GRID2IP: variants seen among roughly 807,000 people sequenced by gnomAD.
The protein encoded by GRID2IP is delphilin.
A neutral mutation model predicts 114.3 loss-of-function variants in GRID2IP; 78 were observed. That is an observed-to-expected ratio of 0.68 (90% CI 0.57 to 0.82). The LOEUF (loss-of-function observed/expected upper bound fraction) is 0.82, where lower values mean the gene tolerates loss of function less well. Among genes scored for constraint, GRID2IP ranks in the 40% least tolerant of loss-of-function variants. The pLI is 0.00. For synonymous variants in GRID2IP, 809 were observed against 724.0 expected, an observed-to-expected ratio of 1.12 and a Z score of -1.89; for missense variants, 1,727 against 1,678.5, an observed-to-expected ratio of 1.03 and a Z score of -0.51.
At chr7:6,524,469 C>T (rs973703775) in intron 4 of GRID2IP, among the ~76,000 whole-genome samples, 1 of 152,164 alleles carries the variant, frequency 6.6e-6, no homozygotes, top group African/African-American at 2.4e-5. Context: ...CTACAAACAC[C>T]TTCCACAATG....
chr7:6,546,817 C>G (rs2115102644), intron 1 of GRID2IP, among the ~76,000 whole-genome samples: 1 of 152,250 alleles, frequency 6.6e-6, no homozygotes, highest in African/African-American at 2.4e-5. Flanking sequence ...CTCTTGCATC[C>G]TGCCCTGTTT....
chr7:6,501,638 C>T, intron 20 of GRID2IP, 143 bp downstream of exon 20: 1 of 677,438 alleles, frequency 1.5e-6, no homozygotes, highest in Non-Finnish European at 2.6e-6. Context: ...AGAGCCTCTT[C>T]CAGGACCCCT....
At position 6,539,880 on chromosome 7, in the gene GRID2IP, G is replaced by A. The variant is rs1383894864; in HGVS notation, c.430-8C>T. 6 of 1,549,600 alleles carry A rather than the reference G, an allele frequency of 3.9e-6. No homozygotes were observed. The highest frequency in any genetic ancestry group is 1.7e-4 in the Middle Eastern group (1 of 5,928). Reference sequence around the variant, plus strand: ...CCCCAAGATTTCATCCACCTGCAAGGAGGAGTCCTGTGAATGACCAAAAGG... The same window carrying A: ...CCCCAAGATTTCATCCACCTGCAAGAAGGAGTCCTGTGAATGACCAAAAGG... On this transcript the variant is annotated splice_polypyrimidine_tract_variant and splice_region_variant and intron_variant, in intron 1 of 21. Transcript: ENST00000457091.
intron 7 of GRID2IP, among the ~76,000 whole-genome samples, chr7:6,515,408 C>G (rs949644503): frequency 1.3e-5 from 2 of 151,928 alleles, no homozygotes; most frequent in Non-Finnish European, 2.9e-5. Flanking sequence ...TTGTAGTGAG[C>G]TGAGATTGCG....
At chr7:6,547,249 G>A (rs73344977) in intron 1 of GRID2IP, among the ~76,000 whole-genome samples, 6,501 of 152,212 alleles carry the variant, frequency 0.043, 422 homozygotes, top group African/African-American at 0.14. Flanking sequence ...GCACTAAGTT[G>A]TTGATTTTGG....
intron 1 of GRID2IP, among the ~76,000 whole-genome samples, chr7:6,543,554 C>G (rs1440792526): frequency 6.6e-6 from 1 of 152,042 alleles, no homozygotes; most frequent in Admixed American, 6.6e-5. Flanking sequence ...GCCACCCTGT[C>G]AAAGTGGGTT....
intron 1 of GRID2IP, 105 bp downstream of exon 1, chr7:6,550,903 G>T: frequency 8.5e-7 from 1 of 1,170,828 alleles, no homozygotes; most frequent in Non-Finnish European, 1.1e-6. Flanking sequence ...TCTGACCCCA[G>T]AAGTTTCCTT....
At chr7:6,517,091 G>A (rs1357356252) in intron 7 of GRID2IP, among the ~76,000 whole-genome samples, 1 of 148,800 alleles carries the variant, frequency 6.7e-6, no homozygotes, top group African/African-American at 2.5e-5. Context: ...GTCTGGCTCT[G>A]TCACCCAGGC....
At chr7:6,503,259 G>T in intron 16 of GRID2IP, 96 bp from the exon 17 acceptor site, 1 of 1,179,922 alleles carries the variant, frequency 8.5e-7, no homozygotes, top group Non-Finnish European at 1.2e-6. Context: ...TCTGCTGGCT[G>T]CTTCGGCCCG....
Position 6,528,732 on chromosome 7 carries a change from G to A in GRID2IP, c.585-1963C>T, listed in dbSNP as rs1014017399. The stretch of plus-strand genomic sequence containing the variant: ...AAAAGAAATTGCCTGGTGGGAGGAA[G>A]TGGGTGTGGATTCTCAGGGAGGAGG... On this transcript the variant is annotated intron_variant, in intron 2 of 21. Coordinates refer to ENST00000457091, the MANE Select transcript of GRID2IP (RefSeq NM_001145118.2). The surrounding 1 kb of genome is among the most constrained non-coding windows in gnomAD (Gnocchi z 6.0). Among the ~76,000 whole-genome samples the A allele has an allele frequency of 2.6e-5, 4 of 152,100 alleles. No individual in the cohort carries two copies. The highest frequency in any genetic ancestry group is 9.7e-5 in the African/African-American group (4 of 41,428).
Position 6,536,868 on chromosome 7 carries a change from G to C in GRID2IP, c.584+2850C>G, listed in dbSNP as rs1779733420. On this transcript the variant is annotated intron_variant, in intron 2 of 21. Coordinates refer to ENST00000457091, the MANE Select transcript of GRID2IP (RefSeq NM_001145118.2). The surrounding 1 kb of genome is among the most constrained non-coding windows in gnomAD (Gnocchi z 5.3). ...ATGGTGGCCTCTTTCGGTGGTGGTC[G>C]CCTATGCTCCGCTGCAGAGCCGAGA... 1 of 582,852 alleles carries C rather than the reference G, an allele frequency of 1.7e-6. No individual in the cohort carries two copies. The highest frequency in any genetic ancestry group is 3.7e-5 in the East Asian group (1 of 26,962). The allele number at this position is 582,852 out of a possible 1,614,324, so 36.1% of individuals were successfully genotyped here. A position where few individuals can be genotyped will look rare whatever the true frequency, so the allele number is the denominator to read the frequency against.
In GRID2IP at chr7:6,509,275, G is replaced by A. The variant is rs1297802446; in HGVS notation, c.1810C>T (p.Arg604Ter). The A allele has an allele frequency of 4.6e-6, 7 of 1,527,116 alleles. No individual in the cohort carries two copies. Among genetic ancestry groups the A allele is most frequent in the Non-Finnish European group, 6.2e-6 (7 of 1,134,988 alleles). The allele number at this position is 1,527,116 out of a possible 1,614,324, so 94.6% of individuals were successfully genotyped here. A position where few individuals can be genotyped will look rare whatever the true frequency, so the allele number is the denominator to read the frequency against. The change falls in exon 12 of 22, where the codon CGA becomes TGA. Residue 604 changes from arginine (R) to a stop codon, truncating the protein, a stop_gained. Coordinates refer to ENST00000457091, the MANE Select transcript of GRID2IP (RefSeq NM_001145118.2). LOFTEE classifies it high-confidence loss of function. This position sits in a 1 kb window ranked among gnomAD's most constrained non-coding sequence, Gnocchi z 4.9. ...TGGTAGCAGGGGGAGGGCAAGAGTCGCTCGCTGGGCCATGAGACGCCGGAC... is the reference window on the plus strand; with the variant it reads ...TGGTAGCAGGGGGAGGGCAAGAGTCACTCGCTGGGCCATGAGACGCCGGAC... ...TLSGVSWPSE[R>*]LLPSPCYHPL...
In GRID2IP at chr7:6,509,110, T is replaced by C; in HGVS notation, c.1975A>G (p.Thr659Ala). 1 of 303,684 alleles carries C rather than the reference T, an allele frequency of 3.3e-6. No homozygotes were observed. The highest frequency in any genetic ancestry group is 6.4e-6 in the Non-Finnish European group (1 of 157,192). The allele number at this position is 303,684 out of a possible 1,614,324, so 18.8% of individuals were successfully genotyped here. Residue 659 changes from threonine to alanine, a missense_variant, in exon 12 of 22, where the codon ACC (threonine) becomes GCC (alanine). Physicochemically the swap from Thr to Ala is moderately conservative, Grantham distance 58. Coordinates refer to ENST00000457091, the MANE Select transcript of GRID2IP (RefSeq NM_001145118.2). This position sits in a 1 kb window ranked among gnomAD's most constrained non-coding sequence, Gnocchi z 4.9. ...AGCTTCCTGCGGCTGGGCGGGCGGG[T>C]GGGGTCCGGGCTTGGGGGGCTGTCG... ...CPDSPPSPDPTRPPSRRKLFT... is the reference protein window; with the variant it reads ...CPDSPPSPDPARPPSRRKLFT...
chr7:6,536,919 G>T lies in GRID2IP; in HGVS notation c.584+2799C>A, dbSNP rs1367162386. ...GCTGCGCCGGGGCTGGGGTGGGCGGGGGGGCGGCGGGGAGGGTGGCCAGCC... is the reference window on the plus strand; with the variant it reads ...GCTGCGCCGGGGCTGGGGTGGGCGGTGGGGCGGCGGGGAGGGTGGCCAGCC... On this transcript the variant is annotated intron_variant, in intron 2 of 21. Coordinates refer to ENST00000457091, the MANE Select transcript of GRID2IP (RefSeq NM_001145118.2). This position sits in a 1 kb window ranked among gnomAD's most constrained non-coding sequence, Gnocchi z 5.3. 3 of 640,498 alleles carry T rather than the reference G, an allele frequency of 4.7e-6. No individual in the cohort carries two copies. Among genetic ancestry groups the T allele is most frequent in the Non-Finnish European group, 8.5e-6 (3 of 352,782 alleles). 39.7% of individuals were successfully genotyped at this position (640,498 alleles called of 1,614,324 possible).
rs1485716369 is a variant in GRID2IP, at chr7:6,503,523, G to T, written c.2875C>A (p.Arg959Ser). 2.6e-6 allele frequency: 4 copies of T among 1,526,214 alleles called. No homozygotes were observed. Among genetic ancestry groups the T allele is most frequent in the South Asian group, 1.2e-5 (1 of 83,444 alleles). 94.5% of individuals were successfully genotyped at this position (1,526,214 alleles called of 1,614,324 possible). ...RYQAFREAPG[R>S]LSEPDQFVLQ... The stretch of plus-strand genomic sequence containing the variant: ...ACGAACTGGTCCGGCTCGCTGAGGC[G>T]GCCGGGCGCCTCGCGGAAGGCCTGG... The change falls in exon 16 of 22, where the codon CGC becomes AGC. Residue 959 changes from arginine (R) to serine (S), a missense_variant. Physicochemically the swap from Arg to Ser is moderately radical, Grantham distance 110. Transcript: ENST00000457091.
chr7:6,537,454 C>G (rs989722245), intron 2 of GRID2IP, among the ~76,000 whole-genome samples: 1 of 143,664 alleles, frequency 7.0e-6, no homozygotes, highest in South Asian at 2.3e-4. Flanking sequence ...CTCAGCTCAC[C>G]GCAACCTCCC....
chr7:6,517,827 G>A (rs567267171), intron 7 of GRID2IP, among the ~76,000 whole-genome samples: 10 of 151,942 alleles, frequency 6.6e-5, no homozygotes, highest in African/African-American at 9.6e-5. Context: ...CACTTGAACC[G>A]GGAAGGCAGA....
chr7:6,527,082 C>T (rs1368076064), intron 2 of GRID2IP, among the ~76,000 whole-genome samples: 1 of 152,110 alleles, frequency 6.6e-6, no homozygotes, highest in Non-Finnish European at 1.5e-5. Flanking sequence ...GGACCCGTTC[C>T]TCCTCCTGCC....
rs749344791 is a variant in GRID2IP at position 6,503,061 on chromosome 7, G to C, written c.3010C>G (p.Arg1004Gly). 6.4e-7 allele frequency: 1 copy of C among 1,551,546 alleles called. No homozygotes were observed. The highest frequency in any genetic ancestry group is 1.4e-5 in the African/African-American group (1 of 73,176). Residue 1004 changes from arginine to glycine, a missense_variant, in exon 17 of 22, where the codon CGC (arginine) becomes GGC (glycine). Transcript: ENST00000457091. ...TTTTTGAGCTCCAGGGAGGCCTGGCGCAAGCATTCAAGGCTGCCTCGGATC... is the reference window on the plus strand; with the variant it reads ...TTTTTGAGCTCCAGGGAGGCCTGGCCCAAGCATTCAAGGCTGCCTCGGATC... Reference protein sequence around the residue: ...EEIRGSLECLRQASLELKNSR... With the variant: ...EEIRGSLECLGQASLELKNSR...
Sources: allele counts gnomAD v4.1 joint callset (sites outside exome capture counted in the v4.1 genomes callset), GRCh38; gene constraint gnomAD v4.1.1; non-coding constraint Gnocchi (gnomAD v3.1); transcripts MANE v1.5; gene names NCBI Gene and HGNC (gene_info 2026-07-23, HGNC 2026-07-21).